The following F13B variants were observed in gnomAD, a reference collection of about 807,000 sequenced individuals.
F13B encodes the protein TGase.
In F13B, 58 loss-of-function variants were observed where a neutral mutation model predicts 79.8. The ratio of observed to expected loss-of-function variants is 0.73; its 90% confidence interval spans 0.59 to 0.90. The LOEUF is 0.90. Ranked by LOEUF, F13B falls within the 40% of genes least tolerant of loss-of-function variation. The probability of loss-of-function intolerance (pLI) is 0.00; values close to 1 mark genes in which losing one functional copy is unlikely to be tolerated. For synonymous variants in F13B, 283 were observed against 260.3 expected, an observed-to-expected ratio of 1.09 and a Z score of -0.84; for missense variants, 773 against 777.0, an observed-to-expected ratio of 0.99 and a Z score of 0.06.
chr1:197,056,339 A>G (rs1466445662), intron 7 of F13B, among the ~76,000 whole-genome samples: 1 of 152,034 alleles, frequency 6.6e-6, no homozygotes, highest in African/African-American at 2.4e-5. Flanking sequence ...CTCTCACTTT[A>G]TCTATTTCTT....
chr1:197,057,283 A>G lies in F13B; in HGVS notation c.985+3T>C. The G allele has an allele frequency of 6.2e-7, 1 of 1,613,926 alleles. No individual in the cohort carries two copies. Among genetic ancestry groups the G allele is most frequent in the African/African-American group, 1.3e-5 (1 of 75,014 alleles). Reference sequence around the variant, plus strand: ...AGCAAAGCTTCTTCAAGGTGTTACTAACCAATGCATTTTGGAGGTTCTGTC... The same window carrying G: ...AGCAAAGCTTCTTCAAGGTGTTACTGACCAATGCATTTTGGAGGTTCTGTC... On this transcript the variant is annotated splice_donor_region_variant and intron_variant, in intron 6 of 11. Transcript: ENST00000367412.
intron 9 of F13B, 74 bp downstream of exon 9, chr1:197,052,560 T>C (rs1655485546): frequency 2.1e-6 from 2 of 955,956 alleles, no homozygotes; most frequent in Middle Eastern, 3.3e-4. Context: ...AGCAACAAAC[T>C]ATAAATAAAT....
intron 9 of F13B, among the ~76,000 whole-genome samples, chr1:197,051,506 T>C (rs1655437258): frequency 6.6e-6 from 1 of 152,150 alleles, no homozygotes; most frequent in African/African-American, 2.4e-5. Flanking sequence ...AAGCCCTAAG[T>C]AGAGCAATGC....
Position 197,057,308 on chromosome 1 carries a change from C to T in F13B, c.963G>A (p.Trp321Ter). 1 of 1,613,906 alleles carries T rather than the reference C, an allele frequency of 6.2e-7. No homozygotes were observed. The stretch of plus-strand genomic sequence containing the variant: ...AACCAATGCATTTTGGAGGTTCTGT[C>T]CATTTTCCATCTTCACAACGTATTT... Reference protein sequence around the residue: ...SAEIRCEDGKWTEPPKCIEGQ... With the variant: ...SAEIRCEDGK Residue 321 changes from tryptophan to a stop codon, truncating the protein, a stop_gained, in exon 6 of 12, where the codon TGG becomes TGA. Transcript: ENST00000367412. LOFTEE classifies it high-confidence loss of function.
intron 10 of F13B, among the ~76,000 whole-genome samples, chr1:197,041,052 TG>T (rs535657140): frequency 1.6e-3 from 247 of 152,262 alleles, no homozygotes; most frequent in African/African-American, 5.8e-3. Flanking sequence ...AAAAGGTATT[TG>T]GGGGGAAGCA....
At chr1:197,062,155 T>C (rs572249423) in intron 2 of F13B, among the ~76,000 whole-genome samples, 186 bp from the exon 3 acceptor site, 8 of 152,226 alleles carry the variant, frequency 5.3e-5, no homozygotes, top group Middle Eastern at 6.8e-3. Flanking sequence ...TTAGTTCTTA[T>C]AGTAATTTCT....
At position 197,067,226 on chromosome 1, in the gene F13B, T is replaced by G. The variant is rs775347330; in HGVS notation, c.-3A>C. 4 of 1,605,496 alleles carry G rather than the reference T, an allele frequency of 2.5e-6. No individual in the cohort carries two copies. Among genetic ancestry groups the G allele is most frequent in the Non-Finnish European group, 3.4e-6 (4 of 1,172,978 alleles). Reference sequence around the variant, plus strand: ...AAAGTCAGGTTTTTCAACCTCATCTTCAGTGGTGTGCTTCACAAAGATTTT... The same window carrying G: ...AAAGTCAGGTTTTTCAACCTCATCTGCAGTGGTGTGCTTCACAAAGATTTT... On this transcript the variant is annotated 5_prime_UTR_variant, in exon 1 of 12. Transcript: ENST00000367412.
At chr1:197,060,579 G>T in intron 4 of F13B, 37 bp from the exon 5 acceptor site, 1 of 1,432,738 alleles carries the variant, frequency 7.0e-7, no homozygotes. Flanking sequence ...ACAAACAAAT[G>T]TTTATTTTTT....
intron 8 of F13B, among the ~76,000 whole-genome samples, chr1:197,055,243 G>A (rs1655595868): frequency 6.6e-6 from 1 of 151,960 alleles, no homozygotes; most frequent in Non-Finnish European, 1.5e-5. Context: ...TAACAAACGT[G>A]TCCATTCAGA....
At chr1:197,066,292 T>C (rs1319760494) in intron 1 of F13B, among the ~76,000 whole-genome samples, 2 of 152,202 alleles carry the variant, frequency 1.3e-5, no homozygotes, top group Non-Finnish European at 2.9e-5. Flanking sequence ...CTTATGTATT[T>C]AATTTCAACA....
rs547428192 is a variant in F13B at position 197,041,295 on chromosome 1, G to A, written c.1739-560C>T. On this transcript the variant is annotated intron_variant, in intron 10 of 11. Coordinates refer to ENST00000367412, the MANE Select transcript of F13B (RefSeq NM_001994.3). ...AGAAATATCAAGACTGGATTAAGAC[G>A]TTTTAAATTCTAAGCATACAAAGTA... Among the ~76,000 whole-genome samples, 9 of 152,166 alleles carry A rather than the reference G, an allele frequency of 5.9e-5. No individual in the cohort carries two copies. In the South Asian group the frequency reaches 1.0e-3, roughly 18 times the overall value.
intron 11 of F13B, 130 bp from the exon 12 acceptor site, chr1:197,039,541 C>A: frequency 1.5e-6 from 1 of 688,876 alleles, no homozygotes; most frequent in Non-Finnish European, 2.6e-6. Flanking sequence ...AATAAATGAT[C>A]TTACTTAGTA....
intron 1 of F13B, among the ~76,000 whole-genome samples, chr1:197,063,536 T>C (rs987239080): frequency 2.0e-5 from 3 of 152,038 alleles, no homozygotes; most frequent in African/African-American, 7.2e-5. Flanking sequence ...CTCACGCTGG[T>C]CTCAAACTCC....
chr1:197,040,920 A>C (rs955338467), intron 10 of F13B, among the ~76,000 whole-genome samples, 185 bp from the exon 11 acceptor site: 2 of 152,054 alleles, frequency 1.3e-5, no homozygotes, highest in Non-Finnish European at 2.9e-5. Context: ...TCTCACAGAA[A>C]ACAGTGAGCC....
intron 2 of F13B, among the ~76,000 whole-genome samples, 154 bp downstream of exon 2, chr1:197,062,703 A>G (rs1455106147): frequency 6.6e-6 from 1 of 152,170 alleles, no homozygotes; most frequent in African/African-American, 2.4e-5. Context: ...TGGATTTCAA[A>G]TTATGCCTTC....
chr1:197,046,188 T>A (rs980948720), intron 10 of F13B, among the ~76,000 whole-genome samples: 1 of 152,140 alleles, frequency 6.6e-6, no homozygotes, highest in African/African-American at 2.4e-5. Flanking sequence ...GAGAAAGAAA[T>A]AAATGGTATT....
intron 9 of F13B, among the ~76,000 whole-genome samples, chr1:197,052,128 G>A (rs1447112934): frequency 6.6e-6 from 1 of 152,048 alleles, no homozygotes; most frequent in African/African-American, 2.4e-5. Context: ...TATTGCCTAG[G>A]TTTTCTTCTA....
chr1:197,044,555 A>C (rs1390388563), intron 10 of F13B, among the ~76,000 whole-genome samples: 1 of 152,092 alleles, frequency 6.6e-6, no homozygotes, highest in Non-Finnish European at 1.5e-5. Context: ...ACACAATAAT[A>C]ATGGGAGACT....
chr1:197,053,289 G>A (rs564798739), intron 8 of F13B, among the ~76,000 whole-genome samples: 34 of 152,218 alleles, frequency 2.2e-4, no homozygotes, highest in Middle Eastern at 6.8e-3. Flanking sequence ...TGGTTTGGCT[G>A]TGTGCCTACC....
Sources: allele counts gnomAD v4.1 joint callset (sites outside exome capture counted in the v4.1 genomes callset), GRCh38; gene constraint gnomAD v4.1.1; transcripts MANE v1.5; gene names NCBI Gene and HGNC (gene_info 2026-07-23, HGNC 2026-07-21).